RYK: variants seen among roughly 807,000 people sequenced by gnomAD.
The protein encoded by RYK is inactive tyrosine-protein kinase RYK.
In RYK, 21 loss-of-function variants were observed where a neutral mutation model predicts 70.2. That is an observed-to-expected ratio of 0.30 (90% CI 0.21 to 0.43). The LOEUF (loss-of-function observed/expected upper bound fraction) is 0.43. Among genes scored for constraint, RYK ranks in the 20% least tolerant of loss-of-function variants. The probability of loss-of-function intolerance (pLI) is 1.00; values close to 1 mark genes in which losing one functional copy is unlikely to be tolerated. For missense variants in RYK, 604 were observed against 753.3 expected (o/e 0.80, Z 2.32); for synonymous variants, 267 against 278.0 (o/e 0.96, Z 0.39).
At chr3:134,214,316 T>C (rs2107681078) in intron 2 of RYK, among the ~76,000 whole-genome samples, 1 of 152,316 alleles carries the variant, frequency 6.6e-6, no homozygotes, top group Non-Finnish European at 1.5e-5. Flanking sequence ...CACCTCTGAT[T>C]CCTACAAAAC....
chr3:134,191,692 C>G (rs2013645398), intron 8 of RYK, among the ~76,000 whole-genome samples, 157 bp downstream of exon 8: 1 of 151,988 alleles, frequency 6.6e-6, no homozygotes, highest in Non-Finnish European at 1.5e-5. Context: ...AGTATAGGAG[C>G]AAATGAAAAT....
At chr3:134,205,268 T>C (rs1387520261) in intron 5 of RYK, among the ~76,000 whole-genome samples, 1 of 152,034 alleles carries the variant, frequency 6.6e-6, no homozygotes. Context: ...TGGGGATAGG[T>C]CAGGATAAAA....
At chr3:134,209,352 A>T (rs2014319804) in intron 4 of RYK, among the ~76,000 whole-genome samples, 1 of 152,242 alleles carries the variant, frequency 6.6e-6, no homozygotes, top group South Asian at 2.1e-4. Context: ...TCTGCATAAA[A>T]GTAACTTGAT....
At chr3:134,242,582 A>G (rs1277004854) in intron 1 of RYK, among the ~76,000 whole-genome samples, 1 of 152,250 alleles carries the variant, frequency 6.6e-6, no homozygotes, top group Admixed American at 6.5e-5. Context: ...TGTTTCATGT[A>G]CAAGTTTTTG....
Position 134,209,879 on chromosome 3 carries a change from T to C in RYK, c.455-50A>G, listed in dbSNP as rs2014335131. 3.2e-6 allele frequency: 4 copies of C among 1,247,274 alleles called. No individual in the cohort carries two copies. The African/African-American group carries it at 6.3e-5, about 20-fold the overall frequency. 77.3% of individuals were successfully genotyped at this position (1,247,274 alleles called of 1,614,324 possible). A position where few individuals can be genotyped will look rare whatever the true frequency, so the allele number is the denominator to read the frequency against. On this transcript the variant is annotated intron_variant, in intron 3 of 14. Transcript: ENST00000623711. ...ATTTTACATTTTCTAAAAATCAACATTAATGCCCCAAAATGATTCTTTTAA... is the reference window on the plus strand; with the variant it reads ...ATTTTACATTTTCTAAAAATCAACACTAATGCCCCAAAATGATTCTTTTAA...
chr3:134,167,215 C>T (rs1461934638), intron 13 of RYK, among the ~76,000 whole-genome samples: 2 of 151,974 alleles, frequency 1.3e-5, no homozygotes, highest in South Asian at 4.1e-4. Context: ...GGCCATACTG[C>T]CCAAGGTAAT....
chr3:134,168,602 C>G (rs2012777144), intron 13 of RYK, among the ~76,000 whole-genome samples: 1 of 53,442 alleles, frequency 1.9e-5, no homozygotes, highest in African/African-American at 6.8e-5. Flanking sequence ...AGGGGAACAT[C>G]ACACACCGGG....
At chr3:134,162,189 C>G (rs1162406829) in intron 13 of RYK, among the ~76,000 whole-genome samples, 1 of 151,774 alleles carries the variant, frequency 6.6e-6, no homozygotes, top group Non-Finnish European at 1.5e-5. Flanking sequence ...ACCCTATTTC[C>G]AAATAAGGTC....
At chr3:134,238,306 T>C (rs796148575) in intron 1 of RYK, among the ~76,000 whole-genome samples, 5 of 152,316 alleles carry the variant, frequency 3.3e-5, no homozygotes, top group African/African-American at 1.2e-4. Context: ...TTCTTCAGCA[T>C]TTCCTCATAT....
chr3:134,187,445 A>C (rs2013500816), intron 9 of RYK, among the ~76,000 whole-genome samples: 1 of 152,160 alleles, frequency 6.6e-6, no homozygotes, highest in South Asian at 2.1e-4. Flanking sequence ...AGATATTATT[A>C]GCATGTCTTC....
At chr3:134,226,025 C>A (rs1351179147) in intron 1 of RYK, among the ~76,000 whole-genome samples, 1 of 151,860 alleles carries the variant, frequency 6.6e-6, no homozygotes, top group African/African-American at 2.4e-5. Context: ...AGATTCAAAC[C>A]AAAATCATAC....
At chr3:134,241,172 CAAAAAA>C (rs34101853) in intron 1 of RYK, among the ~76,000 whole-genome samples, 1 of 118,116 alleles carries the variant, frequency 8.5e-6, no homozygotes, top group African/African-American at 3.3e-5. Flanking sequence ...CCATCTCTAC[CAAAAAA>C]AAAAAAAAAA....
Position 134,195,070 on chromosome 3 carries a change from A to C in RYK, c.889+12T>G. On this transcript the variant is annotated intron_variant, in intron 7 of 14. Transcript: ENST00000623711. ...TTGAGTAAACTGGCTTTAGAATTAA[A>C]TTAACTCTTACTGGTGATAGGAGTT... The C allele has an allele frequency of 6.3e-7, 1 of 1,581,550 alleles. No homozygotes were observed.
In RYK at chr3:134,157,301, A is replaced by G. The variant is rs950098001; in HGVS notation, c.*852T>C. On this transcript the variant is annotated 3_prime_UTR_variant, in exon 15 of 15. Transcript: ENST00000623711. ...GCATAGCACTATTCTAGGTGCAATA[A>G]AAGGGAATCTTAACCTTAGAAATAT... The G allele has an allele frequency of 3.9e-5, 6 of 152,534 alleles. No individual in the cohort carries two copies. The highest frequency in any genetic ancestry group is 1.2e-4 in the African/African-American group (5 of 41,472). The allele number at this position is 152,534 out of a possible 1,614,324, so 9.4% of individuals were successfully genotyped here.
chr3:134,158,018 G>C lies in RYK; in HGVS notation c.*135C>G. 4.8e-6 allele frequency: 2 copies of C among 417,478 alleles called. No homozygotes were observed. Among genetic ancestry groups the C allele is most frequent in the East Asian group, 7.0e-5 (2 of 28,468 alleles). 25.9% of individuals were successfully genotyped at this position (417,478 alleles called of 1,614,324 possible). A position where few individuals can be genotyped will look rare whatever the true frequency, so the allele number is the denominator to read the frequency against. On this transcript the variant is annotated 3_prime_UTR_variant, in exon 15 of 15. Coordinates refer to ENST00000623711, the MANE Select transcript of RYK (RefSeq NM_002958.4). ...TGTCTTAAAAAGTTCAGATTCTAAA[G>C]CATTTCTAAGGCACGGTGTTCTGGA...
intron 3 of RYK, among the ~76,000 whole-genome samples, chr3:134,210,257 C>G (rs2014350391): frequency 1.3e-5 from 2 of 152,140 alleles, no homozygotes; most frequent in African/African-American, 4.8e-5. Flanking sequence ...TACCAAAATG[C>G]AAGTATGTCT....
intron 1 of RYK, among the ~76,000 whole-genome samples, chr3:134,238,444 T>A (rs1021675440): frequency 6.6e-6 from 1 of 152,096 alleles, no homozygotes; most frequent in Admixed American, 6.5e-5. Context: ...GCAGACAACA[T>A]AAATATACCC....
intron 2 of RYK, among the ~76,000 whole-genome samples, chr3:134,219,010 CT>C (rs1386082162): frequency 6.6e-6 from 1 of 152,160 alleles, no homozygotes; most frequent in East Asian, 1.9e-4. Context: ...AAACTTCTGC[CT>C]CACAAAGAAT....
Position 134,191,960 on chromosome 3 carries a change from G to T in RYK, c.904C>A (p.Arg302=), listed in dbSNP as rs1001726536. 4 of 1,612,380 alleles carry T rather than the reference G, an allele frequency of 2.5e-6. No homozygotes were observed. The highest frequency in any genetic ancestry group is 2.5e-6 in the Non-Finnish European group (3 of 1,179,378). The part of the protein sequence containing the change: ...ATPITSYPTL[R]IEKNDLRSVT... ...CTTCTCAAGTCGTTCTTCTCTATCC[G>T]CAAGGTAGGATAACCTAAGGAGCCA... Residue 302 remains arginine (R), a synonymous_variant, in exon 8 of 15, where the codon CGG becomes AGG. Transcript: ENST00000623711.
Sources: gnomAD v4.1 joint callset for allele counts (sites outside exome capture counted in the v4.1 genomes callset) on GRCh38, gnomAD v4.1.1 for gene constraint, MANE v1.5 for transcripts, NCBI Gene and HGNC (gene_info 2026-07-23, HGNC 2026-07-21) for gene names.